Variants in DOCK4 observed in about 807,000 individuals in gnomAD.
DOCK4 encodes dedicator of cytokinesis protein 4.
Under a neutral mutation model 268.1 loss-of-function variants are expected in DOCK4, and 97 were observed. The ratio of observed to expected loss-of-function variants is 0.36; its 90% CI spans 0.31 to 0.43. The LOEUF is 0.43. Ranked by LOEUF, DOCK4 falls within the 20% of genes least tolerant of loss-of-function variation. The pLI, the probability that DOCK4 is intolerant of heterozygous loss-of-function variation, is 1.00. For synonymous variants in DOCK4, 954 were observed against 887.2 expected (o/e 1.08, Z -1.34); for missense variants, 2,145 against 2,455.7 (o/e 0.87, Z 2.67).
intron 1 of DOCK4, among the ~76,000 whole-genome samples, chr7:112,090,311 G>T (rs1319394838): frequency 1.3e-5 from 2 of 152,110 alleles, no homozygotes; most frequent in African/African-American, 2.4e-5. Context: ...TTGGGGGGAA[G>T]AAATTATGCA....
chr7:112,020,087 T>C (rs1205767960), intron 1 of DOCK4, among the ~76,000 whole-genome samples: 1 of 152,204 alleles, frequency 6.6e-6, no homozygotes, highest in Admixed American at 6.5e-5. Context: ...GTACTGAGTG[T>C]TTCTCAATCA....
chr7:112,113,730 G>A (rs917547826), intron 1 of DOCK4, among the ~76,000 whole-genome samples: 5 of 112,214 alleles, frequency 4.5e-5, no homozygotes, highest in African/African-American at 1.3e-4. Flanking sequence ...ACCATACTTG[G>A]CTGATTTTTT....
chr7:111,995,070 C>T (rs182597982), intron 4 of DOCK4, among the ~76,000 whole-genome samples: 13 of 149,990 alleles, frequency 8.7e-5, no homozygotes, highest in African/African-American at 2.2e-4. Flanking sequence ...CTTGCTCTGT[C>T]GCCCAGGCTG....
chr7:111,938,226 T>C (rs1051783512), intron 11 of DOCK4, among the ~76,000 whole-genome samples: 3 of 152,222 alleles, frequency 2.0e-5, no homozygotes, highest in South Asian at 2.1e-4. Context: ...CCACAGACTA[T>C]AGATAAATCT....
intron 1 of DOCK4, among the ~76,000 whole-genome samples, chr7:112,118,116 G>A (rs1045885982): frequency 6.7e-6 from 1 of 149,626 alleles, no homozygotes; most frequent in African/African-American, 2.5e-5. Flanking sequence ...TGATCTTCTT[G>A]CAGACTTCTT....
chr7:112,072,140 T>C (rs1230034327), intron 1 of DOCK4, among the ~76,000 whole-genome samples: 2 of 152,144 alleles, frequency 1.3e-5, no homozygotes, highest in African/African-American at 4.8e-5. Context: ...CATATCCTTT[T>C]CCAAAGCTCC....
chr7:111,791,070 T>TTATATATATATATATA lies in DOCK4; in HGVS notation c.3167-481_3167-466dup, dbSNP rs35033313. Among the ~76,000 whole-genome samples the TTATATATATATATATA allele has an allele frequency of 3.1e-3, 292 of 95,372 alleles. 9 individuals carry two copies. The highest frequency in any genetic ancestry group is 0.016 in the African/African-American group (268 of 16,472). The allele number at this position is 95,372 out of a possible 152,430, so 62.6% of individuals were successfully genotyped here. A position where few individuals can be genotyped will look rare whatever the true frequency, so the allele number is the denominator to read the frequency against. The stretch of plus-strand genomic sequence containing the variant: ...AAGACTCTGTCTCAAAAAAAAAAAA[T>TTATATATATATATATA]TATATATATATATATATATATATAT... On this transcript the variant is annotated intron_variant, in intron 30 of 52. Coordinates refer to ENST00000428084, the MANE Select transcript of DOCK4 (RefSeq NM_001363540.2).
chr7:111,990,827 T>G (rs1370793495), intron 5 of DOCK4, among the ~76,000 whole-genome samples: 1 of 152,174 alleles, frequency 6.6e-6, no homozygotes, highest in East Asian at 1.9e-4. Flanking sequence ...AAGTGCCCAA[T>G]CACATGGCTG....
At chr7:111,963,337 C>T (rs1269252889) in intron 8 of DOCK4, among the ~76,000 whole-genome samples, 3 of 139,464 alleles carry the variant, frequency 2.2e-5, no homozygotes, top group South Asian at 4.7e-4. Flanking sequence ...TGGGCGCAGG[C>T]CAGTGTGTGT....
chr7:112,165,557 T>TGCGCGC (rs1412351553), intron 1 of DOCK4, among the ~76,000 whole-genome samples: 4 of 140,966 alleles, frequency 2.8e-5, no homozygotes, highest in Non-Finnish European at 4.7e-5. Context: ...TGTGTGTGTG[T>TGCGCGC]GTGCGTGTGT....
chr7:111,888,850 G>T (rs934771253), intron 16 of DOCK4, among the ~76,000 whole-genome samples: 1 of 152,146 alleles, frequency 6.6e-6, no homozygotes, highest in Non-Finnish European at 1.5e-5. Flanking sequence ...CTCTTCACAA[G>T]AGGGTGGCGA....
chr7:111,883,564 G>A (rs1320477522), intron 16 of DOCK4, among the ~76,000 whole-genome samples: 1 of 152,092 alleles, frequency 6.6e-6, no homozygotes, highest in Non-Finnish European at 1.5e-5. Context: ...CAGCACTTCT[G>A]CAGCCTCTTG....
At chr7:111,898,901 A>T (rs985723336) in intron 15 of DOCK4, among the ~76,000 whole-genome samples, 1 of 152,170 alleles carries the variant, frequency 6.6e-6, no homozygotes, top group Admixed American at 6.5e-5. Flanking sequence ...GAATTCGAAT[A>T]ATTACCTCCA....
chr7:111,851,934 CCTCTCT>C (rs147425513), intron 23 of DOCK4, among the ~76,000 whole-genome samples: 3 of 144,728 alleles, frequency 2.1e-5, no homozygotes, highest in South Asian at 2.2e-4. Context: ...TGTGAAAGTG[CCTCTCT>C]CTCTCTCTCT....
intron 27 of DOCK4, among the ~76,000 whole-genome samples, chr7:111,818,120 C>T (rs1008038208): frequency 3.4e-4 from 51 of 152,132 alleles, no homozygotes; most frequent in African/African-American, 1.2e-3. Context: ...CACTGGATAC[C>T]TCTCCACTTC....
chr7:112,069,906 A>C (rs1041604951), intron 1 of DOCK4, among the ~76,000 whole-genome samples: 2 of 152,220 alleles, frequency 1.3e-5, no homozygotes, highest in Non-Finnish European at 2.9e-5. Context: ...ACAAAAGGGC[A>C]CGTGCAGCCA....
chr7:111,856,426 G>C (rs1805020585), intron 23 of DOCK4, among the ~76,000 whole-genome samples: 3 of 152,116 alleles, frequency 2.0e-5, no homozygotes, highest in Admixed American at 1.3e-4. Context: ...TTTTATCTTT[G>C]CCCTGTCTAG....
chr7:111,758,317 G>A (rs111437608), intron 41 of DOCK4, among the ~76,000 whole-genome samples: 2 of 152,328 alleles, frequency 1.3e-5, no homozygotes, highest in African/African-American at 4.8e-5. Context: ...TCAGCCAGGA[G>A]TTCTCAAAGA....
At chr7:112,126,167 A>G (rs1176263417) in intron 1 of DOCK4, among the ~76,000 whole-genome samples, 1 of 152,254 alleles carries the variant, frequency 6.6e-6, no homozygotes, top group Non-Finnish European at 1.5e-5. Flanking sequence ...GAGTGAAAAT[A>G]TTAGCTATTT....
Sources: allele counts gnomAD v4.1 joint callset (sites outside exome capture counted in the v4.1 genomes callset), GRCh38; gene constraint gnomAD v4.1.1; transcripts MANE v1.5; gene names NCBI Gene and HGNC (gene_info 2026-07-23, HGNC 2026-07-21).